Variants in MAF observed in about 807,000 individuals in gnomAD.
MAF encodes the protein transcription factor Maf.
A neutral mutation model predicts 22.0 loss-of-function variants in MAF; 10 were observed. The observed-to-expected ratio is 0.45, with a 90% CI of 0.28 to 0.77. The LOEUF (loss-of-function observed/expected upper bound fraction) is 0.77. MAF is among the 30% of genes least tolerant of loss of function. The pLI, the probability that MAF is intolerant of heterozygous loss-of-function variation, is 0.12. For missense variants in MAF, 544 were observed against 548.4 expected, an observed-to-expected ratio of 0.99 and a Z score of 0.08; for synonymous variants, 337 against 255.8, an observed-to-expected ratio of 1.32 and a Z score of -3.03.
the MAF span, among the ~76,000 whole-genome samples, chr16:79,265,653 C>A: frequency 6.6e-6 from 1 of 152,156 alleles, no homozygotes; most frequent in Admixed American, 6.5e-5. Context: ...GAACTATATA[C>A]TATTCATAAT....
the MAF span, among the ~76,000 whole-genome samples, chr16:79,309,051 C>G: frequency 1.3e-5 from 2 of 152,138 alleles, no homozygotes; most frequent in African/African-American, 4.8e-5. Context: ...AGTTGAGGCT[C>G]TAATCTGGCC....
At chr16:79,357,153 G>C in the MAF span, among the ~76,000 whole-genome samples, 1 of 152,132 alleles carries the variant, frequency 6.6e-6, no homozygotes, top group Non-Finnish European at 1.5e-5. Flanking sequence ...CTATTTGGGA[G>C]GCTGAGGCAG....
At chr16:79,417,857 C>T in the MAF span, among the ~76,000 whole-genome samples, 79,952 of 151,904 alleles carry the variant, frequency 0.53, 22,079 homozygotes, top group East Asian at 0.89. Context: ...ACGCGGCACA[C>T]GTTACTTTCC....
chr16:79,370,847 G>A, the MAF span, among the ~76,000 whole-genome samples: 1 of 151,956 alleles, frequency 6.6e-6, no homozygotes, highest in Non-Finnish European at 1.5e-5. Flanking sequence ...TGTCTGTGTA[G>A]TGGTGTGGTT....
the MAF span, among the ~76,000 whole-genome samples, chr16:79,530,618 A>C: frequency 6.6e-6 from 1 of 152,218 alleles, no homozygotes; most frequent in Non-Finnish European, 1.5e-5. Context: ...GATACAACAT[A>C]AACACCAAAA....
chr16:79,559,998 G>C, the MAF span, among the ~76,000 whole-genome samples: 1 of 152,096 alleles, frequency 6.6e-6, no homozygotes, highest in African/African-American at 2.4e-5. Flanking sequence ...TGAACCTCTG[G>C]GGCTCAAGCA....
the MAF span, among the ~76,000 whole-genome samples, chr16:79,462,060 C>T: frequency 6.6e-6 from 1 of 152,150 alleles, no homozygotes; most frequent in African/African-American, 2.4e-5. Context: ...CACTGGCTCT[C>T]TCTGTTTTCC....
At chr16:79,552,139 CAACGGG>C in the MAF span, among the ~76,000 whole-genome samples, 1 of 152,162 alleles carries the variant, frequency 6.6e-6, no homozygotes, top group African/African-American at 2.4e-5. Context: ...TCTCTCAGGA[CAACGGG>C]AAATGCTGGC....
the MAF span, among the ~76,000 whole-genome samples, chr16:79,368,471 A>T: frequency 3.3e-3 from 504 of 152,268 alleles, 2 homozygotes; most frequent in African/African-American, 0.011. Context: ...TTTTTAGTAT[A>T]TGACTATGAG....
At chr16:79,220,518 G>A in the MAF span, among the ~76,000 whole-genome samples, 1 of 152,132 alleles carries the variant, frequency 6.6e-6, no homozygotes, top group East Asian at 1.9e-4. Flanking sequence ...ATGCCTTTAT[G>A]ATCCTGTATC....
chr16:79,473,233 T>C, the MAF span, among the ~76,000 whole-genome samples: 1 of 152,144 alleles, frequency 6.6e-6, no homozygotes, highest in African/African-American at 2.4e-5. Context: ...TCCTCATTTC[T>C]CTTTGCAGGT....
chr16:79,209,278 G>A, the MAF span, among the ~76,000 whole-genome samples: 1 of 152,194 alleles, frequency 6.6e-6, no homozygotes, highest in Non-Finnish European at 1.5e-5. Flanking sequence ...ATGGCATTCT[G>A]AATCAATGGG....
chr16:79,389,976 C>CAAAA, the MAF span, among the ~76,000 whole-genome samples: 21 of 62,958 alleles, frequency 3.3e-4, no homozygotes, highest in African/African-American at 1.0e-3. Flanking sequence ...GACTCCATCT[C>CAAAA]AAAAAAAAAA....
the MAF span, among the ~76,000 whole-genome samples, chr16:79,528,565 C>T: frequency 6.6e-6 from 1 of 151,960 alleles, no homozygotes. Flanking sequence ...TAGGCTCAGC[C>T]CTGGTGAATG....
the MAF span, among the ~76,000 whole-genome samples, chr16:79,361,854 G>C: frequency 6.6e-6 from 1 of 152,186 alleles, no homozygotes; most frequent in African/African-American, 2.4e-5. Flanking sequence ...CTGTTACAGA[G>C]AGGCATCTTG....
chr16:79,318,411 C>T, the MAF span, among the ~76,000 whole-genome samples: 1 of 152,278 alleles, frequency 6.6e-6, no homozygotes, highest in South Asian at 2.1e-4. Flanking sequence ...TTCTGGTGTC[C>T]ACTGTCCCCA....
chr16:79,577,687 G>A, the MAF span, among the ~76,000 whole-genome samples: 1 of 152,138 alleles, frequency 6.6e-6, no homozygotes, highest in South Asian at 2.1e-4. Flanking sequence ...AATGCTAAAT[G>A]TTAACTTTTC....
the MAF span, among the ~76,000 whole-genome samples, chr16:79,382,080 G>T: frequency 3.3e-5 from 5 of 152,074 alleles, no homozygotes; most frequent in South Asian, 2.1e-4. Context: ...TTTCTTACAG[G>T]GGAGCTTTCA....
the MAF span, among the ~76,000 whole-genome samples, chr16:79,506,933 T>C: frequency 6.6e-6 from 1 of 152,198 alleles, no homozygotes; most frequent in Non-Finnish European, 1.5e-5. Context: ...GCACTGGACT[T>C]AGAGGGGTGT....
Sources: gnomAD v4.1 joint callset for allele counts (sites outside exome capture counted in the v4.1 genomes callset) on GRCh38, gnomAD v4.1.1 for gene constraint, MANE v1.5 for transcripts, NCBI Gene and HGNC (gene_info 2026-07-23, HGNC 2026-07-21) for gene names.